Variants in CADPS2 observed in about 807,000 individuals in gnomAD.
The protein encoded by CADPS2 is calcium-dependent secretion activator 2.
A neutral mutation model predicts 172.5 loss-of-function variants in CADPS2; 93 were observed. The observed-to-expected ratio is 0.54, with a 90% CI of 0.46 to 0.64. CADPS2 has a LOEUF of 0.64. Ranked by LOEUF, CADPS2 falls within the 30% of genes least tolerant of loss-of-function variation. The probability of loss-of-function intolerance (pLI) is 0.00; values close to 1 mark genes in which losing one functional copy is unlikely to be tolerated. For missense variants in CADPS2, 1,420 were observed against 1,565.9 expected, an observed-to-expected ratio of 0.91 and a Z score of 1.57; for synonymous variants, 546 against 555.2, an observed-to-expected ratio of 0.98 and a Z score of 0.23.
At chr7:122,424,879 T>TGCTCTGGATA (rs201537224) in intron 17 of CADPS2, among the ~76,000 whole-genome samples, 2,647 of 152,318 alleles carry the variant, frequency 0.017, 72 homozygotes, top group African/African-American at 0.061. Context: ...CTACTTACTT[T>TGCTCTGGATA]GCTCTGGATA....
intron 8 of CADPS2, among the ~76,000 whole-genome samples, chr7:122,535,457 A>G (rs1294894750): frequency 6.6e-6 from 1 of 152,048 alleles, no homozygotes; most frequent in Non-Finnish European, 1.5e-5. Flanking sequence ...ATATGTTTGG[A>G]TCAGCTTGCT....
chr7:122,640,933 CAA>C (rs60107640), intron 3 of CADPS2, among the ~76,000 whole-genome samples: 1,532 of 129,648 alleles, frequency 0.012, 16 homozygotes, highest in African/African-American at 0.026. Flanking sequence ...GACTCTATCT[CAA>C]AAAAAAAAAA....
At chr7:122,600,022 G>C (rs994782676) in intron 6 of CADPS2, among the ~76,000 whole-genome samples, 10 of 152,008 alleles carry the variant, frequency 6.6e-5, no homozygotes, top group African/African-American at 2.4e-4. Flanking sequence ...ATTCACATAA[G>C]TGGTGCTATA....
At chr7:122,578,564 T>C (rs1036219981) in intron 7 of CADPS2, among the ~76,000 whole-genome samples, 2 of 152,066 alleles carry the variant, frequency 1.3e-5, no homozygotes, top group Non-Finnish European at 2.9e-5. Flanking sequence ...ACTCAGCAGA[T>C]CTAGAGTGGG....
intron 1 of CADPS2, among the ~76,000 whole-genome samples, chr7:122,809,410 A>G (rs1253979024): frequency 6.8e-6 from 1 of 146,246 alleles, no homozygotes; most frequent in African/African-American, 2.5e-5. Flanking sequence ...TCTACTAAAA[A>G]AAAAAAAAAG....
intron 1 of CADPS2, among the ~76,000 whole-genome samples, chr7:122,884,822 T>A (rs1008829774): frequency 6.6e-6 from 1 of 152,200 alleles, no homozygotes; most frequent in East Asian, 1.9e-4. Flanking sequence ...ACATGTCAAT[T>A]ATACCTCAAA....
At chr7:122,454,495 G>T (rs2053522079) in intron 14 of CADPS2, among the ~76,000 whole-genome samples, 1 of 152,114 alleles carries the variant, frequency 6.6e-6, no homozygotes, top group African/African-American at 2.4e-5. Flanking sequence ...AGTTATATTT[G>T]AAAAGCAATA....
At chr7:122,754,523 C>A (rs1206763758) in intron 1 of CADPS2, among the ~76,000 whole-genome samples, 2 of 152,096 alleles carry the variant, frequency 1.3e-5, no homozygotes, top group African/African-American at 4.8e-5. Context: ...ATCACCCAGA[C>A]TGGGGTACAA....
chr7:122,620,356 AT>A (rs1233901938), intron 5 of CADPS2, among the ~76,000 whole-genome samples: 2 of 152,154 alleles, frequency 1.3e-5, no homozygotes, highest in Non-Finnish European at 1.5e-5. Context: ...CCTAATTATT[AT>A]GTTATAATCT....
chr7:122,580,576 T>A (rs571891542), intron 7 of CADPS2, among the ~76,000 whole-genome samples: 1 of 152,090 alleles, frequency 6.6e-6, no homozygotes, highest in Non-Finnish European at 1.5e-5. Flanking sequence ...ATTTACCTAA[T>A]GTTAATGCTT....
In CADPS2 at chr7:122,757,542, C is replaced by T. The variant is rs944804041; in HGVS notation, c.340-20474G>A. 4.6e-5 allele frequency among the ~76,000 whole-genome samples: 7 copies of T among 152,120 alleles called. No individual in the cohort carries two copies. The East Asian group carries it at 5.8e-4, about 13-fold the overall frequency. ...GAGATTCTGCCAAACTAAGAACTCT[C>T]GTTCCTGATCTAGATGCTTTGTGGT... On this transcript the variant is annotated intron_variant, in intron 1 of 29. Coordinates refer to ENST00000449022, the MANE Select transcript of CADPS2 (RefSeq NM_017954.11).
At chr7:122,327,665 A>G (rs1460788951) in intron 28 of CADPS2, among the ~76,000 whole-genome samples, 2 of 152,014 alleles carry the variant, frequency 1.3e-5, no homozygotes, top group African/African-American at 2.4e-5. Flanking sequence ...AATGGTACTT[A>G]TAATTAAGTG....
intron 3 of CADPS2, among the ~76,000 whole-genome samples, chr7:122,644,473 G>A (rs753076856): frequency 6.6e-6 from 1 of 152,022 alleles, no homozygotes; most frequent in Non-Finnish European, 1.5e-5. Context: ...CAACTTTTCA[G>A]GTATTTATGA....
At chr7:122,473,769 A>G (rs2056276625) in intron 13 of CADPS2, among the ~76,000 whole-genome samples, 1 of 152,160 alleles carries the variant, frequency 6.6e-6, no homozygotes, top group African/African-American at 2.4e-5. Context: ...ATTATACTTC[A>G]TATCCCAAAT....
At chr7:122,469,403 T>G (rs1454670233) in intron 14 of CADPS2, among the ~76,000 whole-genome samples, 1 of 152,180 alleles carries the variant, frequency 6.6e-6, no homozygotes, top group Non-Finnish European at 1.5e-5. Flanking sequence ...GAATGTCTAT[T>G]TTTTGATATC....
chr7:122,747,470 C>A (rs937224398), intron 1 of CADPS2, among the ~76,000 whole-genome samples: 3 of 152,104 alleles, frequency 2.0e-5, no homozygotes, highest in African/African-American at 7.2e-5. Flanking sequence ...TATGATATCC[C>A]CTTGACTACC....
chr7:122,847,757 G>A (rs907674863), intron 1 of CADPS2, among the ~76,000 whole-genome samples: 4 of 152,126 alleles, frequency 2.6e-5, no homozygotes, highest in African/African-American at 4.8e-5. Context: ...ACTGGTTACT[G>A]CTCCGAACTC....
intron 2 of CADPS2, among the ~76,000 whole-genome samples, chr7:122,678,738 G>A (rs1361228181): frequency 6.6e-6 from 1 of 152,076 alleles, no homozygotes; most frequent in Non-Finnish European, 1.5e-5. Context: ...AGCAATTCAG[G>A]GAAGTCACAA....
At chr7:122,871,774 T>A (rs1222140392) in intron 1 of CADPS2, among the ~76,000 whole-genome samples, 1 of 152,136 alleles carries the variant, frequency 6.6e-6, no homozygotes, top group Non-Finnish European at 1.5e-5. Flanking sequence ...CTACTCATCC[T>A]GTTAAGTAGC....
Sources: allele counts gnomAD v4.1 joint callset (sites outside exome capture counted in the v4.1 genomes callset), GRCh38; gene constraint gnomAD v4.1.1; transcripts MANE v1.5; gene names NCBI Gene and HGNC (gene_info 2026-07-23, HGNC 2026-07-21).